Variants in ANO2 observed in about 807,000 individuals in gnomAD.
The protein encoded by ANO2 is anoctamin 2.
ANO2 carries 101 observed loss-of-function variants against 124.2 expected under a neutral mutation model. The ratio of observed to expected loss-of-function variants is 0.81; its 90% confidence interval spans 0.69 to 0.96. ANO2 has a LOEUF of 0.96. Among genes scored for constraint, ANO2 ranks in the 40% least tolerant of loss-of-function variants. The pLI is 0.00. For missense variants in ANO2, 1,293 were observed against 1,274.5 expected, an observed-to-expected ratio of 1.01 and a Z score of -0.22; for synonymous variants, 486 against 482.5, an observed-to-expected ratio of 1.01 and a Z score of -0.09.
chr12:5,602,331 A>T (rs992011774), intron 19 of ANO2, among the ~76,000 whole-genome samples: 3 of 151,966 alleles, frequency 2.0e-5, no homozygotes, highest in Non-Finnish European at 4.4e-5. Flanking sequence ...GCTCACTTCA[A>T]CCTCTGTCTC....
intron 15 of ANO2, among the ~76,000 whole-genome samples, chr12:5,637,935 C>T (rs956377880): frequency 2.6e-5 from 4 of 152,078 alleles, no homozygotes; most frequent in African/African-American, 7.2e-5. Context: ...GATGAAGAAA[C>T]GGGCATGGAA....
intron 1 of ANO2, among the ~76,000 whole-genome samples, chr12:5,939,656 CTA>C (rs1942816071): frequency 6.6e-6 from 1 of 152,212 alleles, no homozygotes; most frequent in African/African-American, 2.4e-5. Context: ...GTGAAGGATA[CTA>C]TATGAGTCAC....
chr12:5,799,584 A>C lies in ANO2; in HGVS notation c.991-13T>G. On this transcript the variant is annotated splice_polypyrimidine_tract_variant and intron_variant, in intron 9 of 24. Coordinates refer to ENST00000682330, the MANE Select transcript of ANO2 (RefSeq NM_001364791.2). The stretch of plus-strand genomic sequence containing the variant: ...CTTGATATAGCAGCTAAACAAAGAA[A>C]ATAAGGAAACAGGTTAGAGGTAGAG... 6 of 1,613,166 alleles carry C rather than the reference A, an allele frequency of 3.7e-6. No homozygotes were observed. The highest frequency in any genetic ancestry group is 4.2e-6 in the Non-Finnish European group (5 of 1,179,276).
intron 14 of ANO2, among the ~76,000 whole-genome samples, chr12:5,726,647 G>A (rs1321004003): frequency 6.6e-6 from 1 of 152,170 alleles, no homozygotes; most frequent in Non-Finnish European, 1.5e-5. Flanking sequence ...AATAATACCT[G>A]TAAAGCTTTG....
intron 1 of ANO2, among the ~76,000 whole-genome samples, chr12:5,939,375 A>G (rs1942803252): frequency 6.6e-6 from 1 of 152,162 alleles, no homozygotes; most frequent in Non-Finnish European, 1.5e-5. Context: ...GCACCTGCTC[A>G]ATGAAACACC....
intron 20 of ANO2, among the ~76,000 whole-genome samples, chr12:5,585,605 A>G (rs1197563197): frequency 6.6e-6 from 1 of 152,180 alleles, no homozygotes; most frequent in Non-Finnish European, 1.5e-5. Context: ...GTAAATATTT[A>G]CTGAAATAAC....
At chr12:5,605,081 C>A (rs1375251930) in intron 19 of ANO2, among the ~76,000 whole-genome samples, 1 of 152,138 alleles carries the variant, frequency 6.6e-6, no homozygotes, top group Non-Finnish European at 1.5e-5. Context: ...GGGCCCTAGA[C>A]AGGTCCCTAC....
chr12:5,692,659 A>G, intron 14 of ANO2, among the ~76,000 whole-genome samples: 1 of 152,138 alleles, frequency 6.6e-6, no homozygotes, highest in East Asian at 1.9e-4. Flanking sequence ...TGTACCTGCC[A>G]TGCAGTTTTC....
chr12:5,868,080 C>A (rs139482579), intron 3 of ANO2, among the ~76,000 whole-genome samples: 1 of 152,060 alleles, frequency 6.6e-6, no homozygotes, highest in African/African-American at 2.4e-5. Flanking sequence ...TTGTTTGTTA[C>A]ACAAAGGATA....
At chr12:5,837,465 T>C (rs1380790259) in intron 4 of ANO2, among the ~76,000 whole-genome samples, 2 of 138,924 alleles carry the variant, frequency 1.4e-5, no homozygotes, top group African/African-American at 2.7e-5. Context: ...CTCCCGATGC[T>C]ATCCCTCCCC....
chr12:5,901,326 G>A (rs2136281590), intron 3 of ANO2, among the ~76,000 whole-genome samples: 1 of 152,328 alleles, frequency 6.6e-6, no homozygotes, highest in East Asian at 1.9e-4. Flanking sequence ...GGGGATTCAT[G>A]AGCTGGATGC....
chr12:5,681,677 C>A (rs1045258851), intron 14 of ANO2, among the ~76,000 whole-genome samples: 1 of 152,204 alleles, frequency 6.6e-6, no homozygotes, highest in African/African-American at 2.4e-5. Flanking sequence ...TTCCTCTAAC[C>A]TTTTCCTTCC....
intron 20 of ANO2, among the ~76,000 whole-genome samples, chr12:5,585,110 C>A (rs1349788791): frequency 2.0e-5 from 3 of 151,862 alleles, no homozygotes; most frequent in Non-Finnish European, 4.4e-5. Context: ...CTGACTGTCA[C>A]CAGCAGACCC....
intron 2 of ANO2, among the ~76,000 whole-genome samples, chr12:5,922,386 TC>T (rs1369082346): frequency 6.6e-6 from 1 of 152,136 alleles, no homozygotes; most frequent in East Asian, 1.9e-4. Context: ...ACTGGCAGCA[TC>T]GACTGGCCTC....
intron 7 of ANO2, among the ~76,000 whole-genome samples, chr12:5,821,403 G>A (rs554390715): frequency 2.1e-4 from 32 of 152,304 alleles, no homozygotes; most frequent in Admixed American, 3.9e-4. Context: ...ACTCCGGCCC[G>A]TTTATCAAGT....
Position 5,589,913 on chromosome 12 carries a change from A to G in ANO2, c.2233+9571T>C, listed in dbSNP as rs1035348492. 2.9e-4 allele frequency among the ~76,000 whole-genome samples: 44 copies of G among 152,178 alleles called. 1 individual carries two copies. On this transcript the variant is annotated intron_variant, in intron 20 of 24. Transcript: ENST00000682330. ...AAGGATGCTCTGGGAGGGCCTCGCT[A>G]GGAGCACGGGAACCCTGATGGTTTT...
intron 20 of ANO2, among the ~76,000 whole-genome samples, chr12:5,580,921 T>C (rs1942717965): frequency 6.6e-6 from 1 of 152,152 alleles, no homozygotes; most frequent in Non-Finnish European, 1.5e-5. Context: ...TTTGTCAAGG[T>C]TGGGACCTTA....
chr12:5,597,880 A>G (rs2136879437), intron 20 of ANO2, among the ~76,000 whole-genome samples: 1 of 152,388 alleles, frequency 6.6e-6, no homozygotes, highest in Non-Finnish European at 1.5e-5. Flanking sequence ...CTCTTAGCCA[A>G]ACATGAAAGG....
intron 20 of ANO2, among the ~76,000 whole-genome samples, chr12:5,598,653 T>A (rs1343708774): frequency 6.6e-6 from 1 of 152,172 alleles, no homozygotes; most frequent in Non-Finnish European, 1.5e-5. Flanking sequence ...ACTGCGCTCG[T>A]CTTATACCTA....
Sources: allele counts gnomAD v4.1 joint callset (sites outside exome capture counted in the v4.1 genomes callset), GRCh38; gene constraint gnomAD v4.1.1; transcripts MANE v1.5; gene names NCBI Gene and HGNC (gene_info 2026-07-23, HGNC 2026-07-21).